Variants in FRY observed in about 807,000 individuals in gnomAD.
FRY encodes protein furry homolog.
Under a neutral mutation model 348.4 loss-of-function variants are expected in FRY, and 128 were observed. The ratio of observed to expected loss-of-function variants is 0.37; its 90% CI spans 0.32 to 0.43. FRY has a LOEUF of 0.43. Among genes scored for constraint, FRY ranks in the 20% least tolerant of loss-of-function variants. The pLI is 1.00. For missense variants in FRY, 2,736 were observed against 3,695.2 expected (o/e 0.74, Z 6.73); for synonymous variants, 1,370 against 1,374.7 (o/e 1.00, Z 0.08).
At chr13:32,220,671 C>T (rs17592550) in intron 36 of FRY, among the ~76,000 whole-genome samples, 10,644 of 152,290 alleles carry the variant, frequency 0.07, 510 homozygotes, top group Non-Finnish European at 0.099. Flanking sequence ...CACCTTAATT[C>T]CTCTCAGCAC....
intron 53 of FRY, 45 bp downstream of exon 53, chr13:32,262,520 C>A (rs771600076): frequency 2.7e-6 from 4 of 1,479,096 alleles, no homozygotes; most frequent in Non-Finnish European, 3.8e-6. Context: ...CCTTAAAACC[C>A]TTAAAAAAAA....
Position 32,289,625 on chromosome 13 carries a change from C to T in FRY, c.8470-8C>T. On this transcript the variant is annotated splice_region_variant and splice_polypyrimidine_tract_variant and intron_variant, in intron 58 of 60. Coordinates refer to ENST00000542859, the MANE Select transcript of FRY (RefSeq NM_023037.3). ...AACTGTTTCTTCCCATGCAATTTCT[C>T]TCTTTAGCAATTGGAACTGTGTCAG... 3 of 1,497,934 alleles carry T rather than the reference C, an allele frequency of 2.0e-6. No individual in the cohort carries two copies. The highest frequency in any genetic ancestry group is 2.8e-6 in the Non-Finnish European group (3 of 1,073,964). 92.8% of individuals were successfully genotyped at this position (1,497,934 alleles called of 1,614,324 possible).
chr13:32,294,257 G>C (rs986027489), intron 59 of FRY, 111 bp from the exon 60 acceptor site: 1 of 734,218 alleles, frequency 1.4e-6, no homozygotes, highest in Non-Finnish European at 2.4e-6. Flanking sequence ...AATTTACCAA[G>C]GTATTAAGCT....
chr13:32,185,304 C>T (rs1439796238), intron 26 of FRY, among the ~76,000 whole-genome samples, 156 bp downstream of exon 26: 1 of 152,152 alleles, frequency 6.6e-6, no homozygotes, highest in Non-Finnish European at 1.5e-5. Flanking sequence ...TATATGAGAA[C>T]AGATTGTCAT....
chr13:32,222,051 T>G (rs1885343722), intron 36 of FRY, among the ~76,000 whole-genome samples: 1 of 151,708 alleles, frequency 6.6e-6, no homozygotes, highest in Non-Finnish European at 1.5e-5. Context: ...AGAAAGTGAT[T>G]GGGGTTGGGG....
chr13:32,125,990 A>G (rs983957356), intron 7 of FRY, among the ~76,000 whole-genome samples: 13 of 152,212 alleles, frequency 8.5e-5, no homozygotes, highest in Admixed American at 5.9e-4. Flanking sequence ...GCCATTTTGC[A>G]TGAGGCTATA....
At chr13:32,191,873 A>G (rs911755838) in intron 28 of FRY, among the ~76,000 whole-genome samples, 1 of 152,198 alleles carries the variant, frequency 6.6e-6, no homozygotes, top group African/African-American at 2.4e-5. Context: ...GTTAAGATTT[A>G]AATATGAATT....
At chr13:32,076,863 C>T (rs1875100348) in intron 1 of FRY, among the ~76,000 whole-genome samples, 1 of 152,114 alleles carries the variant, frequency 6.6e-6, no homozygotes, top group East Asian at 1.9e-4. Context: ...AACCTTGTCT[C>T]CAATCAATAA....
chr13:32,276,445 A>G lies in FRY; in HGVS notation c.8287-19A>G, dbSNP rs990396449. The stretch of plus-strand genomic sequence containing the variant: ...TGGTATCTCTCTAGTTTTAATACCA[A>G]TTATTTTCCTGTCTTTAGCTCCTTT... On this transcript the variant is annotated intron_variant, in intron 56 of 60. Coordinates refer to ENST00000542859, the MANE Select transcript of FRY (RefSeq NM_023037.3). 5 of 1,318,942 alleles carry G rather than the reference A, an allele frequency of 3.8e-6. No homozygotes were observed. The highest frequency in any genetic ancestry group is 5.5e-6 in the Non-Finnish European group (5 of 910,652). The allele number at this position is 1,318,942 out of a possible 1,614,324, so 81.7% of individuals were successfully genotyped here.
At chr13:32,132,275 T>G (rs1159192916) in intron 8 of FRY, among the ~76,000 whole-genome samples, 1 of 117,754 alleles carries the variant, frequency 8.5e-6, no homozygotes, top group Non-Finnish European at 1.8e-5. Flanking sequence ...ACAATACAGG[T>G]TTGATATTTA....
intron 46 of FRY, among the ~76,000 whole-genome samples, chr13:32,242,352 T>C (rs574670751): frequency 2.4e-4 from 37 of 152,324 alleles, no homozygotes; most frequent in African/African-American, 8.7e-4. Context: ...TTTGTAATAC[T>C]ATAAACAGTG....
chr13:32,062,466 T>C (rs541619171), intron 1 of FRY, among the ~76,000 whole-genome samples: 2 of 152,262 alleles, frequency 1.3e-5, no homozygotes, highest in South Asian at 4.1e-4. Context: ...TTAGTAAAGT[T>C]TTAGGTATTA....
At chr13:32,245,360 T>A (rs1039037269) in intron 47 of FRY, among the ~76,000 whole-genome samples, 3 of 151,910 alleles carry the variant, frequency 2.0e-5, no homozygotes, top group African/African-American at 7.2e-5. Context: ...ATCCCAGCAC[T>A]TTGGGAGGCT....
At chr13:32,271,566 T>C (rs1177231745) in intron 55 of FRY, among the ~76,000 whole-genome samples, 1 of 152,200 alleles carries the variant, frequency 6.6e-6, no homozygotes, top group Non-Finnish European at 1.5e-5. Context: ...TCTGCAGCCC[T>C]GCCTGCACAC....
At chr13:32,136,344 G>A (rs1396935680) in intron 10 of FRY, among the ~76,000 whole-genome samples, 1 of 152,132 alleles carries the variant, frequency 6.6e-6, no homozygotes, top group Non-Finnish European at 1.5e-5. Flanking sequence ...GGTTAAATTT[G>A]TCTTGGTAGA....
chr13:32,242,600 C>T (rs972151554), intron 46 of FRY, among the ~76,000 whole-genome samples: 131 of 152,182 alleles, frequency 8.6e-4, no homozygotes, highest in African/African-American at 3.1e-3. Flanking sequence ...AGCAACATGA[C>T]GTTGGCTCAC....
intron 51 of FRY, among the ~76,000 whole-genome samples, chr13:32,255,822 A>G (rs1241503065): frequency 6.6e-6 from 1 of 152,228 alleles, no homozygotes; most frequent in African/African-American, 2.4e-5. Context: ...GCTAGTGTCA[A>G]AAGACCAGCT....
chr13:32,149,516 C>T (rs939220296), intron 13 of FRY, among the ~76,000 whole-genome samples: 1 of 151,888 alleles, frequency 6.6e-6, no homozygotes, highest in African/African-American at 2.4e-5. Flanking sequence ...AGGCCAATTA[C>T]ATATTTTGTA....
chr13:32,129,233 T>C (rs1593646022), intron 7 of FRY, among the ~76,000 whole-genome samples: 3 of 152,206 alleles, frequency 2.0e-5, no homozygotes, highest in African/African-American at 7.2e-5. Flanking sequence ...TTGTTTTAAG[T>C]TAATTACCTT....
Sources: gnomAD v4.1 joint callset for allele counts (sites outside exome capture counted in the v4.1 genomes callset) on GRCh38, gnomAD v4.1.1 for gene constraint, MANE v1.5 for transcripts, NCBI Gene and HGNC (gene_info 2026-07-23, HGNC 2026-07-21) for gene names.